Variants in SIMC1 observed in about 807,000 individuals in gnomAD.
SIMC1 encodes SUMO interacting motifs containing 1.
Under a neutral mutation model 82.3 loss-of-function variants are expected in SIMC1, and 55 were observed. The ratio of observed to expected loss-of-function variants is 0.67; its 90% CI spans 0.54 to 0.84. The LOEUF (loss-of-function observed/expected upper bound fraction) is 0.84. Ranked by LOEUF, SIMC1 falls within the 40% of genes least tolerant of loss-of-function variation. The pLI is 0.00. For missense variants in SIMC1, 915 were observed against 1,107.2 expected, an observed-to-expected ratio of 0.83 and a Z score of 2.46; for synonymous variants, 353 against 426.3, an observed-to-expected ratio of 0.83 and a Z score of 2.12.
chr5:176,332,244 G>T (rs1280294417), intron 7 of SIMC1, among the ~76,000 whole-genome samples: 3 of 151,892 alleles, frequency 2.0e-5, no homozygotes, highest in Non-Finnish European at 1.5e-5. Context: ...TCTCCTGTTG[G>T]CTTTTAGTTC....
intron 1 of SIMC1, among the ~76,000 whole-genome samples, chr5:176,285,748 C>G (rs1763244853): frequency 6.6e-6 from 1 of 152,180 alleles, no homozygotes; most frequent in South Asian, 2.1e-4. Flanking sequence ...CCCATCGTCT[C>G]AGCCCAAAAT....
At chr5:176,291,151 T>C (rs1398426170) in intron 2 of SIMC1, among the ~76,000 whole-genome samples, 196 bp downstream of exon 2, 1 of 141,598 alleles carries the variant, frequency 7.1e-6, no homozygotes, top group East Asian at 2.1e-4. Flanking sequence ...TTAAAAACTG[T>C]CACTTTACTT....
chr5:176,329,038 A>T (rs548349585), intron 7 of SIMC1, among the ~76,000 whole-genome samples: 19 of 152,328 alleles, frequency 1.2e-4, no homozygotes, highest in African/African-American at 4.3e-4. Flanking sequence ...CTATAGTACA[A>T]TATCACAAAT....
At chr5:176,261,556 G>A (rs559506203) in intron 1 of SIMC1, among the ~76,000 whole-genome samples, 241 of 152,142 alleles carry the variant, frequency 1.6e-3, no homozygotes, top group African/African-American at 5.4e-3. Context: ...AGACCAGCCT[G>A]GCCAACATGG....
chr5:176,287,674 A>C (rs933182199), intron 1 of SIMC1, among the ~76,000 whole-genome samples: 59 of 151,918 alleles, frequency 3.9e-4, no homozygotes, highest in African/African-American at 1.4e-3. Context: ...AATGTAAGCA[A>C]ACACTTAAAA....
At chr5:176,274,349 GTTGT>G (rs1351516869) in intron 1 of SIMC1, among the ~76,000 whole-genome samples, 5 of 150,508 alleles carry the variant, frequency 3.3e-5, no homozygotes, top group East Asian at 1.9e-4. Context: ...TTTTGATGGG[GTTGT>G]TTGTTTTTTT....
intron 7 of SIMC1, among the ~76,000 whole-genome samples, chr5:176,326,820 C>A (rs1285326159): frequency 6.6e-6 from 1 of 152,186 alleles, no homozygotes; most frequent in Non-Finnish European, 1.5e-5. Flanking sequence ...CCACCGCAGT[C>A]TCCCAAAGTG....
chr5:176,335,096 CAAAAAA>C (rs879418049), intron 7 of SIMC1, among the ~76,000 whole-genome samples: 5 of 142,102 alleles, frequency 3.5e-5, no homozygotes, highest in African/African-American at 1.3e-4. Flanking sequence ...AACTCTGTCT[CAAAAAA>C]AAAAAAATAA....
At chr5:176,340,310 C>T (rs1223417480) in intron 9 of SIMC1, among the ~76,000 whole-genome samples, 2 of 152,064 alleles carry the variant, frequency 1.3e-5, no homozygotes, top group African/African-American at 4.8e-5. Flanking sequence ...GAGAATCAAT[C>T]CCCCCCACCC....
chr5:176,274,512 A>G (rs1359542882), intron 1 of SIMC1, among the ~76,000 whole-genome samples: 2 of 151,802 alleles, frequency 1.3e-5, no homozygotes, highest in Non-Finnish European at 2.9e-5. Context: ...TAGTTTAATT[A>G]GATCCCATTT....
intron 9 of SIMC1, among the ~76,000 whole-genome samples, chr5:176,340,708 T>C (rs1359115595): frequency 6.6e-6 from 1 of 152,340 alleles, no homozygotes; most frequent in African/African-American, 2.4e-5. Flanking sequence ...GCTTACTGTT[T>C]AGTGGAGAGA....
intron 4 of SIMC1, among the ~76,000 whole-genome samples, chr5:176,306,261 G>A (rs1764376045): frequency 8.6e-6 from 1 of 116,204 alleles, no homozygotes; most frequent in African/African-American, 3.0e-5. Flanking sequence ...CCCTCTGCCC[G>A]GCCAGCCGCC....
At chr5:176,332,361 G>T (rs1001313764) in intron 7 of SIMC1, among the ~76,000 whole-genome samples, 2 of 152,178 alleles carry the variant, frequency 1.3e-5, no homozygotes, top group Non-Finnish European at 2.9e-5. Context: ...CACGATCTCA[G>T]CTCACCACAA....
chr5:176,240,394 CT>C (rs1761242259), intron 1 of SIMC1, among the ~76,000 whole-genome samples: 1 of 107,158 alleles, frequency 9.3e-6, no homozygotes, highest in Non-Finnish European at 2.1e-5. Context: ...AGATGCCATG[CT>C]TATCTCAGTC....
At chr5:176,244,416 G>C (rs925763880) in intron 1 of SIMC1, among the ~76,000 whole-genome samples, 3 of 145,164 alleles carry the variant, frequency 2.1e-5, no homozygotes, top group African/African-American at 7.8e-5. Flanking sequence ...GTCCTGACTA[G>C]AGATACAAAT....
chr5:176,308,662 T>C, intron 4 of SIMC1: 3 of 1,570,744 alleles, frequency 1.9e-6, no homozygotes, highest in East Asian at 2.2e-5. Flanking sequence ...CACATCTCCA[T>C]TGAGGGCCAG....
At chr5:176,335,890 A>AAG (rs1765869187) in intron 7 of SIMC1, among the ~76,000 whole-genome samples, 1 of 152,072 alleles carries the variant, frequency 6.6e-6, no homozygotes, top group Non-Finnish European at 1.5e-5. Context: ...AAAAAAAATA[A>AAG]TAATTAGCCA....
chr5:176,297,405 G>A (rs1763861283), intron 4 of SIMC1, among the ~76,000 whole-genome samples: 1 of 151,116 alleles, frequency 6.6e-6, no homozygotes, highest in Admixed American at 6.6e-5. Flanking sequence ...GGAAGGCTGA[G>A]GTAGGAGAAT....
In SIMC1 at chr5:176,344,417, T is replaced by C. The variant is rs549430634; in HGVS notation, c.2414-766T>C. On this transcript the variant is annotated intron_variant, in intron 9 of 9. Coordinates refer to ENST00000429602, the MANE Select transcript of SIMC1 (RefSeq NM_001308195.2). ...CAGGCACGGTGGCTCACACCTGTAA[T>C]CCCAGCACTTTGGGAGGCCGAGGCT... is the stretch of plus-strand genomic sequence containing the variant. Among the ~76,000 whole-genome samples the C allele has an allele frequency of 2.5e-4, 38 of 150,592 alleles. 1 individual carries two copies. Among genetic ancestry groups the C allele is most frequent in the African/African-American group, 9.3e-4 (38 of 40,932 alleles).
Sources: allele counts gnomAD v4.1 joint callset (sites outside exome capture counted in the v4.1 genomes callset), GRCh38; gene constraint gnomAD v4.1.1; transcripts MANE v1.5; gene names NCBI Gene and HGNC (gene_info 2026-07-23, HGNC 2026-07-21).